The following RIMS1 variants were observed in gnomAD, a reference collection of about 807,000 sequenced individuals.
RIMS1 encodes regulating synaptic membrane exocytosis protein 1.
RIMS1 carries 83 observed loss-of-function variants against 214.1 expected under a neutral mutation model. The ratio of observed to expected loss-of-function variants is 0.39; its 90% CI spans 0.32 to 0.47. The LOEUF is 0.47. Ranked by LOEUF, RIMS1 falls within the 20% of genes least tolerant of loss-of-function variation. The pLI is 0.99. For synonymous variants in RIMS1, 793 were observed against 786.8 expected (o/e 1.01, Z -0.13); for missense variants, 2,050 against 2,161.8 (o/e 0.95, Z 1.03).
intron 28 of RIMS1, among the ~76,000 whole-genome samples, chr6:72,322,950 AAGC>A (rs946602763): frequency 2.6e-4 from 39 of 152,058 alleles, no homozygotes; most frequent in African/African-American, 9.4e-4. Context: ...AGCAAACAAA[AAGC>A]AGCAGCTGGA....
chr6:72,242,250 GAA>G, intron 9 of RIMS1, 62 bp from the exon 10 acceptor site: 1 of 1,264,900 alleles, frequency 7.9e-7, no homozygotes, highest in Non-Finnish European at 1.1e-6. Flanking sequence ...TTAAAAAAGA[GAA>G]AAGATACGAA....
rs188935594 is a variant in RIMS1 at position 72,017,672 on chromosome 6, A to G, written c.245+48609A>G. Reference sequence around the variant, plus strand: ...AGAAAGATAAATTCTGTTAAGGAAGAGTCATGATAAATAGATGCAGTTTAA... The same window carrying G: ...AGAAAGATAAATTCTGTTAAGGAAGGGTCATGATAAATAGATGCAGTTTAA... On this transcript the variant is annotated intron_variant, in intron 2 of 33. Transcript: ENST00000521978. Among the ~76,000 whole-genome samples, 65 of 152,360 alleles carry G rather than the reference A, an allele frequency of 4.3e-4. No individual in the cohort carries two copies. In the East Asian group the frequency reaches 9.2e-3, roughly 22 times the overall value.
intron 2 of RIMS1, among the ~76,000 whole-genome samples, chr6:71,990,498 C>T (rs1801271678): frequency 6.6e-6 from 1 of 152,068 alleles, no homozygotes; most frequent in African/African-American, 2.4e-5. Context: ...CTATTATTAA[C>T]AGGTGATATT....
chr6:71,956,398 A>G (rs920039407), intron 1 of RIMS1, among the ~76,000 whole-genome samples: 15 of 152,200 alleles, frequency 9.9e-5, no homozygotes, highest in Admixed American at 7.2e-4. Flanking sequence ...TATTATTAAC[A>G]TGTTTACTAT....
chr6:72,291,023 A>G (rs1416706505), intron 25 of RIMS1, among the ~76,000 whole-genome samples, 162 bp downstream of exon 25: 1 of 152,130 alleles, frequency 6.6e-6, no homozygotes, highest in Non-Finnish European at 1.5e-5. Flanking sequence ...TATTACTTGC[A>G]TCTATCTTCA....
At position 72,245,840 on chromosome 6, in the gene RIMS1, T is replaced by C. The variant is rs772471723; in HGVS notation, c.2107T>C (p.Ser703Pro). Reference protein sequence around the residue: ...IGDIPRIPESSHPPLESSSSS... With the variant: ...IGDIPRIPESPHPPLESSSSS... Reference sequence around the variant, plus strand: ...TGACATTCCCCGGATTCCTGAGAGCTCCCACCCTCCACTGGAGTCCAGTGA... The same window carrying C: ...TGACATTCCCCGGATTCCTGAGAGCCCCCACCCTCCACTGGAGTCCAGTGA... Residue 703 changes from serine to proline, a missense_variant, in exon 11 of 34, where the codon TCC becomes CCC. By Grantham distance (74) the Ser-to-Pro change is moderately conservative. This residue lies in a region of RIMS1 where 111 missense variants were observed against 166.2 expected (regional missense o/e 0.67). Transcript: ENST00000521978. The C allele has an allele frequency of 6.2e-7, 1 of 1,608,740 alleles. No homozygotes were observed. Among genetic ancestry groups the C allele is most frequent in the Admixed American group, 1.7e-5 (1 of 59,962 alleles).
intron 33 of RIMS1, 50 bp from the exon 34 acceptor site, chr6:72,400,446 T>C: frequency 6.6e-7 from 1 of 1,519,998 alleles, no homozygotes; most frequent in South Asian, 1.1e-5. Context: ...GCCCTTCGAA[T>C]GTGAAGCAGA....
chr6:71,962,624 C>T (rs773724037), intron 1 of RIMS1, among the ~76,000 whole-genome samples: 3 of 152,058 alleles, frequency 2.0e-5, no homozygotes, highest in Non-Finnish European at 4.4e-5. Flanking sequence ...ACAGTCATCA[C>T]GTTCATTTGT....
intron 29 of RIMS1, among the ~76,000 whole-genome samples, chr6:72,375,964 T>C (rs531311710): frequency 3.9e-4 from 60 of 152,334 alleles, no homozygotes; most frequent in African/African-American, 1.4e-3. Context: ...TGCCTCTTGG[T>C]TTTATAAATG....
At chr6:72,262,420 T>G (rs2078446809) in intron 19 of RIMS1, 1 of 984,146 alleles carries the variant, frequency 1.0e-6, no homozygotes, top group African/African-American at 1.7e-5. Flanking sequence ...GCAGATAACA[T>G]CCTGTGGACA....
At chr6:72,392,862 A>C in intron 31 of RIMS1, 52 bp downstream of exon 31, 1 of 1,278,234 alleles carries the variant, frequency 7.8e-7, no homozygotes, top group Non-Finnish European at 1.1e-6. Context: ...GTGTTTGACA[A>C]AGTCATTTAA....
intron 6 of RIMS1, among the ~76,000 whole-genome samples, chr6:72,198,921 T>C (rs935814176): frequency 6.6e-6 from 1 of 152,052 alleles, no homozygotes; most frequent in African/African-American, 2.4e-5. Context: ...GAGAATGTTA[T>C]TTAAGGATAT....
chr6:72,329,510 G>T (rs192351143), intron 28 of RIMS1, among the ~76,000 whole-genome samples: 1 of 151,560 alleles, frequency 6.6e-6, no homozygotes, highest in East Asian at 1.9e-4. Flanking sequence ...TCTAGAGCCA[G>T]ATAGTAATCA....
In RIMS1 at chr6:72,160,535, C is replaced by G. The variant is rs1261356980; in HGVS notation, c.472-19040C>G. On this transcript the variant is annotated intron_variant, in intron 4 of 33. Transcript: ENST00000521978. ...GGCTGTGGGTTTGTCATAAATAGCT[C>G]TTATTATTTTGAGATGCATCCCATC... 9.3e-5 allele frequency among the ~76,000 whole-genome samples: 13 copies of G among 139,240 alleles called. 2 individuals are homozygous for G. In the South Asian group the frequency reaches 2.9e-3, roughly 31 times the overall value. The allele number at this position is 139,240 out of a possible 152,430, so 91.3% of individuals were successfully genotyped here. A position where few individuals can be genotyped will look rare whatever the true frequency, so the allele number is the denominator to read the frequency against.
chr6:72,387,797 C>T (rs2098638296), intron 29 of RIMS1, among the ~76,000 whole-genome samples: 2 of 152,174 alleles, frequency 1.3e-5, no homozygotes, highest in African/African-American at 4.8e-5. Context: ...CAGATTCCTA[C>T]CCTTTCAGTA....
chr6:72,250,528 T>C (rs1224043021), intron 13 of RIMS1, 68 bp downstream of exon 13: 4 of 1,158,642 alleles, frequency 3.5e-6, no homozygotes, highest in Non-Finnish European at 4.8e-6. Context: ...AATTTTCTCT[T>C]TTGGGATGTT....
intron 4 of RIMS1, among the ~76,000 whole-genome samples, chr6:72,131,876 T>G (rs2040505083): frequency 2.0e-5 from 3 of 152,146 alleles, no homozygotes; most frequent in Non-Finnish European, 4.4e-5. Context: ...CCCAGGCGCA[T>G]ATTCTCTTTC....
At chr6:72,347,439 G>A (rs187407532) in intron 29 of RIMS1, among the ~76,000 whole-genome samples, 60 of 151,874 alleles carry the variant, frequency 4.0e-4, no homozygotes, top group African/African-American at 1.4e-3. Flanking sequence ...CTGTCTATTC[G>A]ATTTCCCCAA....
Position 72,354,247 on chromosome 6 carries a change from A to G in RIMS1, c.4366+20412A>G, listed in dbSNP as rs1017781258. Reference sequence around the variant, plus strand: ...TAAATAAATAAACAAACAAACAAATAAATAAAACCCAGGCTTTGCGCCTAC... The same window carrying G: ...TAAATAAATAAACAAACAAACAAATGAATAAAACCCAGGCTTTGCGCCTAC... On this transcript the variant is annotated intron_variant, in intron 29 of 33. Transcript: ENST00000521978. Among the ~76,000 whole-genome samples, 5 of 151,574 alleles carry G rather than the reference A, an allele frequency of 3.3e-5. 1 individual carries two copies. Among genetic ancestry groups the G allele is most frequent in the Admixed American group, 3.3e-4 (5 of 15,240 alleles).
Sources: allele counts gnomAD v4.1 joint callset (sites outside exome capture counted in the v4.1 genomes callset), GRCh38; gene constraint gnomAD v4.1.1; regional missense constraint gnomAD v4.1.1; transcripts MANE v1.5; gene names NCBI Gene and HGNC (gene_info 2026-07-23, HGNC 2026-07-21).